FBLN2: variants seen among roughly 807,000 people sequenced by gnomAD.
The protein encoded by FBLN2 is fibulin-2.
FBLN2 carries 81 observed loss-of-function variants against 123.7 expected under a neutral mutation model. The ratio of observed to expected loss-of-function variants is 0.65; its 90% confidence interval spans 0.55 to 0.79. The LOEUF (loss-of-function observed/expected upper bound fraction) is 0.79. Ranked by LOEUF, FBLN2 falls within the 30% of genes least tolerant of loss-of-function variation. The probability of loss-of-function intolerance (pLI) is 0.00; values close to 1 mark genes in which losing one functional copy is unlikely to be tolerated. For synonymous variants in FBLN2, 699 were observed against 701.4 expected, an observed-to-expected ratio of 1.00 and a Z score of 0.05; for missense variants, 1,603 against 1,681.3, an observed-to-expected ratio of 0.95 and a Z score of 0.81.
intron 1 of FBLN2, among the ~76,000 whole-genome samples, chr3:13,561,369 T>C (rs549663998): frequency 6.6e-6 from 1 of 152,290 alleles, no homozygotes; most frequent in African/African-American, 2.4e-5. Flanking sequence ...CCGGATTCAG[T>C]GACTGACTGA....
chr3:13,622,737 G>C (rs1191459469), intron 9 of FBLN2, among the ~76,000 whole-genome samples: 1 of 152,244 alleles, frequency 6.6e-6, no homozygotes, highest in Non-Finnish European at 1.5e-5. Flanking sequence ...CATGTCTGCA[G>C]CCTCTGATGT....
chr3:13,560,833 A>G (rs1169146136), intron 1 of FBLN2, among the ~76,000 whole-genome samples: 1 of 151,828 alleles, frequency 6.6e-6, no homozygotes, highest in East Asian at 1.9e-4. Context: ...TGTCTTTTAG[A>G]TACGGGGTTT....
At chr3:13,556,284 G>A (rs190517343) in intron 1 of FBLN2, among the ~76,000 whole-genome samples, 9 of 152,166 alleles carry the variant, frequency 5.9e-5, no homozygotes, top group East Asian at 1.9e-4. Context: ...CGGCATGCAC[G>A]TGGCTGCCTT....
At chr3:13,609,669 C>T in intron 4 of FBLN2, 27 bp downstream of exon 4, 2 of 158,948 alleles carry the variant, frequency 1.3e-5, no homozygotes, top group Non-Finnish European at 2.4e-5. Flanking sequence ...GCCTTCAAGG[C>T]AGGGTGGGGT....
At chr3:13,619,284 A>G (rs1705758667) in intron 7 of FBLN2, among the ~76,000 whole-genome samples, 1 of 152,150 alleles carries the variant, frequency 6.6e-6, no homozygotes, top group Non-Finnish European at 1.5e-5. Flanking sequence ...CCATTCTTGT[A>G]ACGTTGAGGT....
chr3:13,624,064 G>T (rs946594601), intron 9 of FBLN2, among the ~76,000 whole-genome samples: 8 of 152,336 alleles, frequency 5.3e-5, no homozygotes, highest in African/African-American at 1.9e-4. Context: ...GTTGCAGGTG[G>T]TCCAGGCTGC....
At chr3:13,625,545 C>T (rs78568078) in intron 9 of FBLN2, among the ~76,000 whole-genome samples, 2,804 of 152,268 alleles carry the variant, frequency 0.018, 89 homozygotes, top group African/African-American at 0.064. Flanking sequence ...CCACCTTCCC[C>T]TGCAGCCTAC....
At chr3:13,623,753 C>G (rs1210298654) in intron 9 of FBLN2, among the ~76,000 whole-genome samples, 1 of 152,244 alleles carries the variant, frequency 6.6e-6, no homozygotes, top group Non-Finnish European at 1.5e-5. Context: ...GTTGGTTAAA[C>G]TCTCTGAGCC....
intron 17 of FBLN2, among the ~76,000 whole-genome samples, chr3:13,637,160 G>A (rs145159887): frequency 8.5e-4 from 130 of 152,304 alleles, no homozygotes; most frequent in Non-Finnish European, 1.5e-3. Flanking sequence ...CACACGGCCC[G>A]GCACTTGGGA....
At position 13,631,428 on chromosome 3, in the gene FBLN2, C is replaced by A. The variant is rs751893647; in HGVS notation, c.3185C>A (p.Thr1062Asn). The change falls in exon 16 of 18, where the codon ACC becomes AAC. Residue 1062 changes from threonine to asparagine, a missense_variant. Thr to Asn is a moderately conservative substitution (Grantham distance 65). Transcript: ENST00000404922. ...YQCACPEQGY[T>N]MTANGRSCKD... ...TGTGCATGCCCTGAGCAGGGCTACACCATGACGGCCAACGGGAGGTCCTGC... is the reference window on the plus strand; with the variant it reads ...TGTGCATGCCCTGAGCAGGGCTACAACATGACGGCCAACGGGAGGTCCTGC... 4 of 1,597,334 alleles carry A rather than the reference C, an allele frequency of 2.5e-6. No individual in the cohort carries two copies. The highest frequency in any genetic ancestry group is 3.4e-6 in the Non-Finnish European group (4 of 1,172,102).
At position 13,619,027 on chromosome 3, in the gene FBLN2, G is replaced by A. The variant is rs1305730539; in HGVS notation, c.2053+10G>A. ...CCCAATACCTGCAAAGGTAAGCAGT[G>A]TGGGTGGTGTCTCCAGGACAGGGCC... On this transcript the variant is annotated intron_variant, in intron 7 of 17. Coordinates refer to ENST00000404922, the MANE Select transcript of FBLN2 (RefSeq NM_001004019.2). 1 of 1,598,158 alleles carries A rather than the reference G, an allele frequency of 6.3e-7. No individual in the cohort carries two copies. The highest frequency in any genetic ancestry group is 8.5e-7 in the Non-Finnish European group (1 of 1,171,190).
rs1432492905 is a variant in FBLN2 at position 13,624,895 on chromosome 3, G to A, written c.2297-1550G>A. 2.0e-5 allele frequency among the ~76,000 whole-genome samples: 3 copies of A among 152,406 alleles called. No homozygotes were observed. The East Asian group carries it at 5.8e-4, about 29-fold the overall frequency. ...GGTAGATGGGTCAGCCTTCCACACT[G>A]GCTTAGCGCTGGCCTTGGGGCGGTT... On this transcript the variant is annotated intron_variant, in intron 9 of 17. Coordinates refer to ENST00000404922, the MANE Select transcript of FBLN2 (RefSeq NM_001004019.2).
At position 13,626,464 on chromosome 3, in the gene FBLN2, G is replaced by A. The variant is rs1574996469; in HGVS notation, c.2316G>A (p.Thr772=). The change falls in exon 10 of 18, where the codon ACG becomes ACA. Residue 772 remains threonine, a synonymous_variant. Coordinates refer to ENST00000404922, the MANE Select transcript of FBLN2 (RefSeq NM_001004019.2). Reference sequence around the variant, plus strand: ...CTGCAGACATCAACGAGTGTGTGACGGACCTGCACACGTGCAGCCGGGGCG... The same window carrying A: ...CTGCAGACATCAACGAGTGTGTGACAGACCTGCACACGTGCAGCCGGGGCG... ...RKCVDINECV[T]DLHTCSRGEH... 6.3e-7 allele frequency: 1 copy of A among 1,583,790 alleles called. No homozygotes were observed. Among genetic ancestry groups the A allele is most frequent in the East Asian group, 2.3e-5 (1 of 43,252 alleles).
chr3:13,586,136 C>CCTGT (rs1704490135), intron 2 of FBLN2, among the ~76,000 whole-genome samples: 1 of 151,958 alleles, frequency 6.6e-6, no homozygotes, highest in Non-Finnish European at 1.5e-5. Flanking sequence ...TGATCCTGAC[C>CCTGT]CTGTGTAGGC....
In FBLN2 at chr3:13,628,995, C is replaced by G. The variant is rs534802167; in HGVS notation, c.2660C>G (p.Pro887Arg). The G allele has an allele frequency of 6.2e-6, 10 of 1,613,386 alleles. No individual in the cohort carries two copies. The African/African-American group carries it at 1.3e-4, about 22-fold the overall frequency. Reference sequence around the variant, plus strand: ...GGCTCCTACACATGCCAGAGGAACCCGCTGATCTGCGCGCGCGGCTACCAC... The same window carrying G: ...GGCTCCTACACATGCCAGAGGAACCGGCTGATCTGCGCGCGCGGCTACCAC... ...TVGSYTCQRN[P>R]LICARGYHAS... Residue 887 changes from proline to arginine, a missense_variant, in exon 12 of 18, where the codon CCG becomes CGG. Transcript: ENST00000404922.
At chr3:13,550,093 A>G (rs1443592644) in intron 1 of FBLN2, among the ~76,000 whole-genome samples, 1 of 152,178 alleles carries the variant, frequency 6.6e-6, no homozygotes, top group Non-Finnish European at 1.5e-5. Flanking sequence ...GGAGTGCCAC[A>G]CACTGTGAGT....
chr3:13,574,192 G>A (rs1281327073), intron 2 of FBLN2, among the ~76,000 whole-genome samples: 3 of 152,224 alleles, frequency 2.0e-5, no homozygotes, highest in Non-Finnish European at 4.4e-5. Context: ...GAGCATCACA[G>A]CATTCAGATA....
intron 6 of FBLN2, 43 bp from the exon 7 acceptor site, chr3:13,618,861 C>A: frequency 6.6e-7 from 1 of 1,507,180 alleles, no homozygotes; most frequent in East Asian, 2.3e-5. Flanking sequence ...GGCTGAAGAC[C>A]TGAGACCTCC....
chr3:13,614,529 A>G (rs62232971), intron 5 of FBLN2, among the ~76,000 whole-genome samples: 1 of 151,564 alleles, frequency 6.6e-6, no homozygotes, highest in Non-Finnish European at 1.5e-5. Context: ...CCATCTCTCC[A>G]TCCATTCATT....
Sources: allele counts gnomAD v4.1 joint callset (sites outside exome capture counted in the v4.1 genomes callset), GRCh38; gene constraint gnomAD v4.1.1; transcripts MANE v1.5; gene names NCBI Gene and HGNC (gene_info 2026-07-23, HGNC 2026-07-21).